Variants in GPR137 observed in about 807,000 individuals in gnomAD.
GPR137 encodes the protein G protein-coupled receptor 137.
A neutral mutation model predicts 38.9 loss-of-function variants in GPR137; 20 were observed. The observed-to-expected ratio is 0.51, with a 90% confidence interval of 0.36 to 0.75. The LOEUF (loss-of-function observed/expected upper bound fraction) is 0.75. GPR137 is among the 30% of genes least tolerant of loss of function. The pLI is 0.00. For missense variants in GPR137, 456 were observed against 526.4 expected, an observed-to-expected ratio of 0.87 and a Z score of 1.31; for synonymous variants, 226 against 235.8, an observed-to-expected ratio of 0.96 and a Z score of 0.38.
At chr11:64,284,819 G>A, upstream of GPR137, 1 of 1,523,344 alleles carries the variant, frequency 6.6e-7, no homozygotes, top group Non-Finnish European at 8.8e-7. Flanking sequence ...CCGGATCCAA[G>A]GCTCCTCGTC....
rs1416454995 is a variant in GPR137 at position 64,288,434 on chromosome 11, G to T, written c.878G>T (p.Gly293Val). Reference sequence around the variant, plus strand: ...CTACTGCCCACCACCCTGCTGGTGGGCTTCTTCCGGGTGCACCGGCCCCCA... The same window carrying T: ...CTACTGCCCACCACCCTGCTGGTGGTCTTCTTCCGGGTGCACCGGCCCCCA... Reference protein sequence around the residue: ...WELLPTTLLVGFFRVHRPPQD... With the variant: ...WELLPTTLLVVFFRVHRPPQD... Residue 293 changes from glycine (G) to valine (V), a missense_variant, in exon 5 of 7, where the codon GGC becomes GTC. Physicochemically the swap from Gly to Val is moderately radical, Grantham distance 109. Transcript: ENST00000438980. The surrounding 1 kb of genome is among the most constrained non-coding windows in gnomAD (Gnocchi z 5.5). The T allele has an allele frequency of 5.6e-6, 9 of 1,613,464 alleles. No individual in the cohort carries two copies. The highest frequency in any genetic ancestry group is 7.6e-6 in the Non-Finnish European group (9 of 1,180,002).
chr11:64,270,873 G>A (rs1330885291), upstream of GPR137, among the ~76,000 whole-genome samples: 1 of 146,358 alleles, frequency 6.8e-6, no homozygotes, highest in Admixed American at 6.8e-5. Flanking sequence ...GTGGGATCTA[G>A]ACTACAGATC....
At chr11:64,273,855 CAAAAAAAAAAA>C (rs34577596), upstream of GPR137, among the ~76,000 whole-genome samples, 10 of 54,820 alleles carry the variant, frequency 1.8e-4, no homozygotes, top group East Asian at 1.3e-3. Context: ...GCACCCATCT[CAAAAAAAAAAA>C]AAAAAAAAAA....
At chr11:64,285,684 CTCCT>C (rs1425467385), upstream of GPR137, 25 of 985,012 alleles carry the variant, frequency 2.5e-5, no homozygotes, top group Admixed American at 1.5e-3. Flanking sequence ...CTCGGCCGCC[CTCCT>C]GCCGCCTCCC....
chr11:64,284,344 G>T, upstream of GPR137: 1 of 1,612,962 alleles, frequency 6.2e-7, no homozygotes, highest in Non-Finnish European at 8.5e-7. Flanking sequence ...TGCTCACTCG[G>T]CTCAAACTCT....
At chr11:64,278,014 G>A (rs528190313) in intron 2 of GPR137, among the ~76,000 whole-genome samples, 21 of 152,260 alleles carry the variant, frequency 1.4e-4, no homozygotes, top group Non-Finnish European at 8.8e-5. Context: ...TAGGCCCAAT[G>A]TGGTGGCTCA....
intron 2 of GPR137, among the ~76,000 whole-genome samples, chr11:64,277,980 A>C (rs1330394475): frequency 6.6e-6 from 1 of 152,066 alleles, no homozygotes; most frequent in Non-Finnish European, 1.5e-5. Flanking sequence ...AGTTCTTTGG[A>C]TTTTTGTCCA....
rs201864973 is a variant in GPR137, at chr11:64,288,510, C to T, written c.912+42C>T. Reference sequence around the variant, plus strand: ...TCTTCTGTGGGGCCAGTGGAGGGGGCGGATGTTGCAAATCCTGGGTTGGAG... The same window carrying T: ...TCTTCTGTGGGGCCAGTGGAGGGGGTGGATGTTGCAAATCCTGGGTTGGAG... On this transcript the variant is annotated intron_variant, in intron 5 of 6. Coordinates refer to ENST00000438980, the MANE Select transcript of GPR137 (RefSeq NM_001170880.2). This position sits in a 1 kb window ranked among gnomAD's most constrained non-coding sequence, Gnocchi z 5.5. 388 of 1,612,716 alleles carry T rather than the reference C, an allele frequency of 2.4e-4. 2 individuals are homozygous for T. In the African/African-American group the frequency reaches 4.7e-3, roughly 19 times the overall value.
At chr11:64,284,520 G>A (rs2033722335), upstream of GPR137, 2 of 1,538,482 alleles carry the variant, frequency 1.3e-6, no homozygotes, top group Non-Finnish European at 8.7e-7. Context: ...CTGTCTGCCG[G>A]GTCTGGCCTG....
chr11:64,274,608 G>A (rs1278172314), upstream of GPR137, among the ~76,000 whole-genome samples: 1 of 152,064 alleles, frequency 6.6e-6, no homozygotes, highest in Admixed American at 6.5e-5. Flanking sequence ...GGATCACGAG[G>A]TCAGGAGTTC....
rs199901628 is a variant in GPR137, at chr11:64,287,905, G to A, written c.592G>A (p.Ala198Thr). The change falls in exon 3 of 7, where the codon GCC (alanine) becomes ACC (threonine). Residue 198 changes from alanine (A) to threonine (T), a missense_variant. Transcript: ENST00000438980. Reference protein sequence around the residue: ...LSLAACLCLVARRAPSTSIYL... With the variant: ...LSLAACLCLVTRRAPSTSIYL... ...TCTTGCTGCCTGCCTCTGCCTCGTC[G>A]CCAGGCGGGCGCCCTCCACTAGCAT... 3.5e-5 allele frequency: 56 copies of A among 1,602,118 alleles called. No homozygotes were observed. Among genetic ancestry groups the A allele is most frequent in the African/African-American group, 2.7e-5 (2 of 74,906 alleles).
At chr11:64,277,087 C>T (rs1213667292) in intron 2 of GPR137, 1 of 686,000 alleles carries the variant, frequency 1.5e-6, no homozygotes, top group East Asian at 2.7e-5. Context: ...AATTACAAGA[C>T]ACTTGCACAC....
upstream of GPR137, among the ~76,000 whole-genome samples, chr11:64,282,645 T>G (rs1181638047): frequency 6.6e-6 from 1 of 152,068 alleles, no homozygotes; most frequent in African/African-American, 2.4e-5. Flanking sequence ...GTTGGGAGGC[T>G]GAGGCGGGTG....
upstream of GPR137, chr11:64,284,782 T>C (rs773441698): frequency 1.3e-6 from 2 of 1,528,028 alleles, no homozygotes; most frequent in Non-Finnish European, 1.7e-6. Flanking sequence ...AGAGGCGGGG[T>C]CAACCCGGCC....
Position 64,286,252 on chromosome 11 carries a change from A to G in GPR137, c.-273A>G. 7.9e-7 allele frequency: 1 copy of G among 1,268,706 alleles called. No homozygotes were observed. Among genetic ancestry groups the G allele is most frequent in the Non-Finnish European group, 9.9e-7 (1 of 1,006,302 alleles). The allele number at this position is 1,268,706 out of a possible 1,614,324, so 78.6% of individuals were successfully genotyped here. A position where few individuals can be genotyped will look rare whatever the true frequency, so the allele number is the denominator to read the frequency against. Reference sequence around the variant, plus strand: ...GCTCTGGGGTAGGCCCAGGGAGGAGACACCCCCAACCCCTATCCGGTCTGT... The same window carrying G: ...GCTCTGGGGTAGGCCCAGGGAGGAGGCACCCCCAACCCCTATCCGGTCTGT... On this transcript the variant is annotated 5_prime_UTR_variant, in exon 1 of 7. Coordinates refer to ENST00000438980, the MANE Select transcript of GPR137 (RefSeq NM_001170880.2).
At chr11:64,274,467 A>G (rs1228844463), upstream of GPR137, among the ~76,000 whole-genome samples, 2 of 152,134 alleles carry the variant, frequency 1.3e-5, no homozygotes, top group African/African-American at 4.8e-5. Flanking sequence ...CAGGTGGATC[A>G]CTTGAGGCCA....
chr11:64,284,540 T>G, upstream of GPR137: 1 of 1,510,740 alleles, frequency 6.6e-7, no homozygotes, highest in Non-Finnish European at 8.8e-7. Context: ...GGCAGGGAGC[T>G]GAGGCTGTCG....
chr11:64,288,102 C>T lies in GPR137; in HGVS notation c.671C>T (p.Ala224Val). The T allele has an allele frequency of 6.2e-7, 1 of 1,612,196 alleles. No individual in the cohort carries two copies. Among genetic ancestry groups the T allele is most frequent in the Non-Finnish European group, 8.5e-7 (1 of 1,179,984 alleles). ...TGCCAGGCGGCCGCGATGGGTGGCGCCATGGTCCTGCTCTATGCCAGCCGG... is the reference window on the plus strand; with the variant it reads ...TGCCAGGCGGCCGCGATGGGTGGCGTCATGGTCCTGCTCTATGCCAGCCGG... ...SVCQAAAMGG[A>V]MVLLYASRAC... is the part of the protein sequence containing the mutation. Residue 224 changes from alanine (A) to valine (V), a missense_variant, in exon 4 of 7, where the codon GCC (alanine) becomes GTC (valine). Ala to Val is a moderately conservative substitution (Grantham distance 64). Coordinates refer to ENST00000438980, the MANE Select transcript of GPR137 (RefSeq NM_001170880.2). The surrounding 1 kb of genome is among the most constrained non-coding windows in gnomAD (Gnocchi z 5.5).
At chr11:64,287,688 T>C (rs768301737) in intron 2 of GPR137, 33 bp from the exon 3 acceptor site, 15 of 1,599,676 alleles carry the variant, frequency 9.4e-6, no homozygotes, top group Non-Finnish European at 1.3e-5. Flanking sequence ...TGAGGGCTGT[T>C]GAGGGCCCGC....
Sources: gnomAD v4.1 joint callset for allele counts (sites outside exome capture counted in the v4.1 genomes callset) on GRCh38, gnomAD v4.1.1 for gene constraint, Gnocchi (gnomAD v3.1) non-coding constraint, MANE v1.5 for transcripts, NCBI Gene and HGNC (gene_info 2026-07-23, HGNC 2026-07-21) for gene names.